FAM47E: variants seen among roughly 807,000 people sequenced by gnomAD.
The protein encoded by FAM47E is protein FAM47E.
Under a neutral mutation model 41.6 loss-of-function variants are expected in FAM47E, and 32 were observed. That is an observed-to-expected ratio of 0.77 (90% CI 0.58 to 1.03). The LOEUF (loss-of-function observed/expected upper bound fraction) is 1.03, where lower values mean the gene tolerates loss of function less well. Ranked by LOEUF, FAM47E falls within the 50% of genes least tolerant of loss-of-function variation. The probability of loss-of-function intolerance (pLI) is 0.00; values close to 1 mark genes in which losing one functional copy is unlikely to be tolerated. For missense variants in FAM47E, 424 were observed against 485.4 expected (o/e 0.87, Z 1.19); for synonymous variants, 184 against 188.7 (o/e 0.98, Z 0.20).
At chr4:76,260,500 T>C (rs1734362763) in intron 2 of FAM47E, among the ~76,000 whole-genome samples, 2 of 152,124 alleles carry the variant, frequency 1.3e-5, no homozygotes, top group Non-Finnish European at 2.9e-5. Context: ...CTGGGAAAAC[T>C]GGCTAGCTGT....
Position 76,256,349 on chromosome 4 carries a change from T to A in FAM47E, c.246T>A (p.Ala82=). Residue 82 remains alanine (A), a synonymous_variant, in exon 2 of 8, where the codon GCT becomes GCA. Coordinates refer to ENST00000424749, the MANE Select transcript of FAM47E (RefSeq NM_001136570.3). The part of the protein sequence containing the change: ...EGFLPQIYHR[A]PQLAPKKRQI... ...TTCTGCCCCAGATTTATCACAGAGC[T>A]CCCCAACTGGCCCCAAAGAAGAGGC... The A allele has an allele frequency of 1.9e-6, 3 of 1,551,600 alleles. No individual in the cohort carries two copies. The highest frequency in any genetic ancestry group is 2.6e-6 in the Non-Finnish European group (3 of 1,147,014).
At chr4:76,220,575 T>C (rs916217196) in intron 2 of FAM47E, among the ~76,000 whole-genome samples, 17 of 152,234 alleles carry the variant, frequency 1.1e-4, no homozygotes, top group African/African-American at 4.1e-4. Flanking sequence ...TGCAGTGAGC[T>C]GATTGTGCCA....
At chr4:76,237,612 T>C (rs527644468) in intron 2 of FAM47E, among the ~76,000 whole-genome samples, 11 of 152,222 alleles carry the variant, frequency 7.2e-5, no homozygotes, top group African/African-American at 2.6e-4. Flanking sequence ...TGAGACTGGG[T>C]AATTTCTAAA....
chr4:76,228,305 C>A (rs1023019064), intron 2 of FAM47E, among the ~76,000 whole-genome samples: 14 of 151,850 alleles, frequency 9.2e-5, no homozygotes, highest in Non-Finnish European at 2.9e-5. Context: ...CATGGTGAAA[C>A]CCCATCTCTA....
chr4:76,222,895 C>T (rs1012250686), intron 2 of FAM47E, among the ~76,000 whole-genome samples: 12 of 152,230 alleles, frequency 7.9e-5, no homozygotes, highest in African/African-American at 2.6e-4. Flanking sequence ...GCAAGAGTTC[C>T]AAGCTGAAGC....
chr4:76,245,795 T>C (rs1733814524), intron 2 of FAM47E, among the ~76,000 whole-genome samples: 1 of 152,152 alleles, frequency 6.6e-6, no homozygotes, highest in Admixed American at 6.5e-5. Flanking sequence ...TTCCTTTAAG[T>C]GTGTCTAGCC....
At chr4:76,234,790 G>A (rs982400912) in intron 2 of FAM47E, among the ~76,000 whole-genome samples, 1 of 152,298 alleles carries the variant, frequency 6.6e-6, no homozygotes, top group South Asian at 2.1e-4. Flanking sequence ...GTGTGTTCCT[G>A]TAGTTCTAGG....
intron 3 of FAM47E, 116 bp from the exon 4 acceptor site, chr4:76,268,544 G>C: frequency 3.8e-6 from 4 of 1,041,744 alleles, no homozygotes; most frequent in Non-Finnish European, 4.1e-6. Flanking sequence ...ATGTGAGCTT[G>C]CAAGAGACTG....
Position 76,256,667 on chromosome 4 carries a change from G to A in FAM47E, c.420+144G>A, listed in dbSNP as rs569342120. ...CTCCCCCAGGATGCGAGTTCTTATGGGCCTCAGAGCAGCCTTCTGTCCTCT... is the reference window on the plus strand; with the variant it reads ...CTCCCCCAGGATGCGAGTTCTTATGAGCCTCAGAGCAGCCTTCTGTCCTCT... On this transcript the variant is annotated intron_variant, in intron 2 of 7. Coordinates refer to ENST00000424749, the MANE Select transcript of FAM47E (RefSeq NM_001136570.3). 102 of 992,700 alleles carry A rather than the reference G, an allele frequency of 1.0e-4. 2 individuals carry two copies. In the South Asian group the frequency reaches 1.6e-3, roughly 16 times the overall value. The allele number at this position is 992,700 out of a possible 1,614,324, so 61.5% of individuals were successfully genotyped here.
At chr4:76,269,857 A>G (rs1734813295) in intron 4 of FAM47E, among the ~76,000 whole-genome samples, 1 of 151,662 alleles carries the variant, frequency 6.6e-6, no homozygotes, top group South Asian at 2.1e-4. Flanking sequence ...TGCGCCTTCC[A>G]AGAACCTATA....
At chr4:76,220,862 G>A (rs1003033320) in intron 2 of FAM47E, among the ~76,000 whole-genome samples, 1 of 152,190 alleles carries the variant, frequency 6.6e-6, no homozygotes, top group Admixed American at 6.5e-5. Flanking sequence ...GTACAAGAAT[G>A]CTTCCAGGTG....
intron 2 of FAM47E, among the ~76,000 whole-genome samples, chr4:76,235,428 G>A (rs1406581669): frequency 6.6e-6 from 1 of 152,168 alleles, no homozygotes; most frequent in Non-Finnish European, 1.5e-5. Context: ...GGATTAGAAG[G>A]AGTTAGGAAG....
At chr4:76,254,017 G>C (rs1734083093) in intron 1 of FAM47E, among the ~76,000 whole-genome samples, 1 of 151,810 alleles carries the variant, frequency 6.6e-6, no homozygotes, top group African/African-American at 2.4e-5. Flanking sequence ...AACTACTTGG[G>C]GGACTGAGAT....
chr4:76,264,911 A>G (rs1007487793), intron 3 of FAM47E, among the ~76,000 whole-genome samples: 5 of 152,138 alleles, frequency 3.3e-5, no homozygotes, highest in Admixed American at 3.3e-4. Context: ...TTGACTTTTG[A>G]AATTAAAGAC....
At position 76,278,177 on chromosome 4, in the gene FAM47E, T is replaced by C. The variant is rs535312228; in HGVS notation, c.979T>C (p.Ser327Pro). ...CGAGCCTCTGGTTGACCCTGAGGTC[T>C]CACATAAGGCTCAAGAGGAGAATTT... is the stretch of plus-strand genomic sequence containing the variant. Reference protein sequence around the residue: ...VDEPLVDPEVSHKAQEENFKK... With the variant: ...VDEPLVDPEVPHKAQEENFKK... The change falls in exon 6 of 8, where the codon TCA (serine) becomes CCA (proline). Residue 327 changes from serine to proline, a missense_variant. Physicochemically the swap from Ser to Pro is moderately conservative, Grantham distance 74. Transcript: ENST00000424749. 4.5e-6 allele frequency: 7 copies of C among 1,549,642 alleles called. No individual in the cohort carries two copies. Among genetic ancestry groups the C allele is most frequent in the Non-Finnish European group, 6.1e-6 (7 of 1,146,542 alleles).
intron 2 of FAM47E, among the ~76,000 whole-genome samples, chr4:76,231,600 C>T (rs1224152052): frequency 6.6e-6 from 1 of 152,264 alleles, no homozygotes; most frequent in African/African-American, 2.4e-5. Flanking sequence ...TATACTTGGC[C>T]TGATTATTTG....
intron 5 of FAM47E, among the ~76,000 whole-genome samples, chr4:76,274,948 C>T (rs1443915083): frequency 3.3e-5 from 5 of 152,228 alleles, no homozygotes; most frequent in African/African-American, 9.6e-5. Context: ...TGGGCTCCTC[C>T]TGGGCTCTCC....
intron 3 of FAM47E, 22 bp from the exon 4 acceptor site, chr4:76,268,638 T>G: frequency 6.5e-7 from 1 of 1,546,728 alleles, no homozygotes; most frequent in Non-Finnish European, 8.7e-7. Flanking sequence ...ATATTGTAAT[T>G]CTTTAATGAT....
chr4:76,229,924 A>G (rs1289669654), intron 2 of FAM47E, among the ~76,000 whole-genome samples: 2 of 152,132 alleles, frequency 1.3e-5, no homozygotes, highest in Non-Finnish European at 1.5e-5. Context: ...GAGCAGGGTT[A>G]TTCTGTCATT....
Sources: allele counts gnomAD v4.1 joint callset (sites outside exome capture counted in the v4.1 genomes callset), GRCh38; gene constraint gnomAD v4.1.1; transcripts MANE v1.5; gene names NCBI Gene and HGNC (gene_info 2026-07-23, HGNC 2026-07-21).